Variants in NDC1 observed in about 807,000 individuals in gnomAD.
NDC1 encodes the protein nucleoporin NDC1.
In NDC1, 24 loss-of-function variants were observed where a neutral mutation model predicts 89.8. The ratio of observed to expected loss-of-function variants is 0.27; its 90% CI spans 0.19 to 0.38. The LOEUF (loss-of-function observed/expected upper bound fraction) is 0.38, where lower values mean the gene tolerates loss of function less well. Among genes scored for constraint, NDC1 ranks in the 10% least tolerant of loss-of-function variants. The pLI, the probability that NDC1 is intolerant of heterozygous loss-of-function variation, is 1.00. For synonymous variants in NDC1, 296 were observed against 284.8 expected, an observed-to-expected ratio of 1.04 and a Z score of -0.39; for missense variants, 728 against 797.6, an observed-to-expected ratio of 0.91 and a Z score of 1.05.
chr1:53,824,630 G>C (rs979719155), intron 5 of NDC1, among the ~76,000 whole-genome samples: 1 of 152,174 alleles, frequency 6.6e-6, no homozygotes, highest in Non-Finnish European at 1.5e-5. Context: ...GAGCCCTGAT[G>C]CATCTGTGAG....
chr1:53,832,434 T>TC (rs1649096258), intron 3 of NDC1, 56 bp downstream of exon 3: 2 of 906,144 alleles, frequency 2.2e-6, no homozygotes, highest in African/African-American at 1.7e-5. Context: ...TACTAAGTCT[T>TC]CCCTTAGTTA....
At chr1:53,784,367 G>A (rs944003775) in intron 16 of NDC1, among the ~76,000 whole-genome samples, 1 of 152,152 alleles carries the variant, frequency 6.6e-6, no homozygotes, top group Non-Finnish European at 1.5e-5. Flanking sequence ...AAGGGATGTG[G>A]ATCAAGCCAG....
chr1:53,771,061 G>C (rs1253596181), intron 17 of NDC1: 2 of 157,910 alleles, frequency 1.3e-5, no homozygotes, highest in Admixed American at 6.2e-5. Flanking sequence ...GATTAAGCTG[G>C]ATAAAGCTGG....
intron 15 of NDC1, among the ~76,000 whole-genome samples, 190 bp downstream of exon 15, chr1:53,788,943 A>T (rs1557570565): frequency 1.3e-5 from 2 of 152,152 alleles, no homozygotes; most frequent in Non-Finnish European, 2.9e-5. Context: ...TACATACAAG[A>T]AAAAATTGTG....
intron 16 of NDC1, among the ~76,000 whole-genome samples, chr1:53,774,860 G>A (rs1222612766): frequency 1.3e-5 from 2 of 151,916 alleles, no homozygotes; most frequent in African/African-American, 2.4e-5. Flanking sequence ...CACTGTACTC[G>A]AGCCTGGGCA....
At chr1:53,809,583 A>T in intron 7 of NDC1, 112 bp downstream of exon 7, 1 of 745,064 alleles carries the variant, frequency 1.3e-6, no homozygotes, top group South Asian at 1.7e-5. Flanking sequence ...AAAAATGAAT[A>T]CAATTTTTAA....
intron 13 of NDC1, among the ~76,000 whole-genome samples, chr1:53,793,544 A>T (rs540722820): frequency 1.3e-5 from 2 of 152,314 alleles, no homozygotes; most frequent in East Asian, 3.9e-4. Context: ...ACATAAAAAA[A>T]AATTAATTAA....
chr1:53,798,138 T>TTTA (rs71063883), intron 11 of NDC1, among the ~76,000 whole-genome samples: 44,326 of 132,626 alleles, frequency 0.33, 7,531 homozygotes, highest in African/African-American at 0.39. Context: ...CCATCTTCTT[T>TTTA]TTATTATTAT....
At chr1:53,836,730 A>G (rs1194407838) in intron 1 of NDC1, among the ~76,000 whole-genome samples, 1 of 151,888 alleles carries the variant, frequency 6.6e-6, no homozygotes, top group African/African-American at 2.4e-5. Context: ...TCAGCCTCCC[A>G]AAGTGTTAAG....
intron 16 of NDC1, among the ~76,000 whole-genome samples, chr1:53,780,140 G>A (rs1261304946): frequency 6.6e-6 from 1 of 151,824 alleles, no homozygotes; most frequent in Non-Finnish European, 1.5e-5. Context: ...CGGCACAATC[G>A]CAGCTCACCG....
chr1:53,789,735 G>A (rs1287405058), intron 14 of NDC1, among the ~76,000 whole-genome samples: 1 of 150,712 alleles, frequency 6.6e-6, no homozygotes, highest in Non-Finnish European at 1.5e-5. Flanking sequence ...GGAGGCAGAG[G>A]TTGCAGTGAG....
chr1:53,797,371 CT>C (rs11423339), intron 11 of NDC1, among the ~76,000 whole-genome samples: 84 of 152,064 alleles, frequency 5.5e-4, no homozygotes, highest in South Asian at 3.7e-3. Context: ...TATAGTCTCT[CT>C]TTTTCCCCCC....
intron 10 of NDC1, 33 bp downstream of exon 10, chr1:53,803,895 A>G: frequency 1.3e-6 from 2 of 1,498,672 alleles, no homozygotes; most frequent in Non-Finnish European, 1.9e-6. Flanking sequence ...CTACACACAT[A>G]TGCCTAATCA....
intron 6 of NDC1, 137 bp from the exon 7 acceptor site, chr1:53,809,883 AG>A (rs1487903731): frequency 2.0e-5 from 13 of 659,338 alleles, no homozygotes; most frequent in Middle Eastern, 2.6e-4. Flanking sequence ...ATTAGGAATG[AG>A]TAGGAAAAGA....
intron 15 of NDC1, among the ~76,000 whole-genome samples, chr1:53,788,810 T>C (rs949562199): frequency 3.3e-5 from 5 of 151,880 alleles, no homozygotes; most frequent in East Asian, 1.9e-4. Context: ...CTGAGGTGGA[T>C]TGTTTGAGCC....
chr1:53,796,831 T>A (rs763142177), intron 12 of NDC1, 27 bp from the exon 13 acceptor site: 2 of 1,604,546 alleles, frequency 1.2e-6, no homozygotes, highest in Admixed American at 1.8e-5. Context: ...AAAGGCAAGA[T>A]AAGAACTTAG....
chr1:53,814,268 T>C (rs560142846), intron 6 of NDC1, among the ~76,000 whole-genome samples: 1 of 152,228 alleles, frequency 6.6e-6, no homozygotes, highest in South Asian at 2.1e-4. Flanking sequence ...GGAAGGAGAA[T>C]GGCGTGAACC....
chr1:53,829,108 G>C (rs1053319162), intron 3 of NDC1, among the ~76,000 whole-genome samples: 1 of 152,140 alleles, frequency 6.6e-6, no homozygotes, highest in Non-Finnish European at 1.5e-5. Flanking sequence ...CTATGGGTAG[G>C]ACATGAGGGA....
At chr1:53,829,406 C>T (rs1350821027) in intron 3 of NDC1, among the ~76,000 whole-genome samples, 2 of 152,184 alleles carry the variant, frequency 1.3e-5, no homozygotes, top group African/African-American at 2.4e-5. Context: ...CTCTCTAGAA[C>T]ATCATTTTCC....
Sources: allele counts gnomAD v4.1 joint callset (sites outside exome capture counted in the v4.1 genomes callset), GRCh38; gene constraint gnomAD v4.1.1; transcripts MANE v1.5; gene names NCBI Gene and HGNC (gene_info 2026-07-23, HGNC 2026-07-21).